REV3L: variants seen among roughly 807,000 people sequenced by gnomAD.
REV3L encodes DNA polymerase zeta catalytic subunit.
Under a neutral mutation model 299.4 loss-of-function variants are expected in REV3L, and 69 were observed. That is an observed-to-expected ratio of 0.23 (90% CI 0.19 to 0.28). REV3L has a LOEUF of 0.28. REV3L is among the 10% of genes least tolerant of loss of function. The pLI is 1.00. For missense variants in REV3L, 3,128 were observed against 3,693.8 expected (o/e 0.85, Z 3.97); for synonymous variants, 1,238 against 1,271.4 (o/e 0.97, Z 0.56).
intron 1 of REV3L, among the ~76,000 whole-genome samples, chr6:111,464,454 T>A (rs1791175301): frequency 6.6e-6 from 1 of 152,164 alleles, no homozygotes; most frequent in South Asian, 2.1e-4. Flanking sequence ...ATAAAACATC[T>A]TCTTAAAAAT....
At chr6:111,369,007 C>A (rs1562196574) in intron 13 of REV3L, among the ~76,000 whole-genome samples, 1 of 152,072 alleles carries the variant, frequency 6.6e-6, no homozygotes, top group Non-Finnish European at 1.5e-5. Context: ...AACTCCATAA[C>A]CAGCATCCAG....
upstream of REV3L, chr6:111,483,332 C>A (rs1278550857): frequency 1.7e-5 from 8 of 459,590 alleles, no homozygotes; most frequent in Non-Finnish European, 1.5e-5. Context: ...GGCGCCCGGG[C>A]GGGACACGGA....
intron 5 of REV3L, 33 bp downstream of exon 5, chr6:111,392,843 A>G (rs550075221): frequency 7.1e-7 from 1 of 1,403,964 alleles, no homozygotes; most frequent in African/African-American, 1.4e-5. Flanking sequence ...GGATATATGT[A>G]AAATTTTCAT....
chr6:111,335,305 C>T (rs1040178599), intron 22 of REV3L, among the ~76,000 whole-genome samples, 164 bp downstream of exon 22: 4 of 151,940 alleles, frequency 2.6e-5, no homozygotes, highest in African/African-American at 4.8e-5. Flanking sequence ...TGGCAGTGGC[C>T]GGAAAGTTGG....
chr6:111,412,188 A>G, intron 2 of REV3L: 1 of 985,408 alleles, frequency 1.0e-6, no homozygotes, highest in African/African-American at 1.7e-5. Context: ...TATCAAGTGC[A>G]TCCTGTGAAA....
At chr6:111,302,023 A>C (rs1017701731) in intron 31 of REV3L, among the ~76,000 whole-genome samples, 1 of 152,210 alleles carries the variant, frequency 6.6e-6, no homozygotes, top group Non-Finnish European at 1.5e-5. Context: ...TCTTTGATCT[A>C]TATTTATCAA....
chr6:111,334,723 A>G (rs1775740923), intron 22 of REV3L, among the ~76,000 whole-genome samples: 1 of 152,216 alleles, frequency 6.6e-6, no homozygotes, highest in Non-Finnish European at 1.5e-5. Context: ...ATGGGTATAA[A>G]TAAAATAAAT....
chr6:111,309,592 T>A (rs1582446583), intron 30 of REV3L: 1 of 305,136 alleles, frequency 3.3e-6, no homozygotes, highest in South Asian at 8.5e-5. Flanking sequence ...CAGGCCAAGG[T>A]GGTCTTGGAA....
intron 1 of REV3L, among the ~76,000 whole-genome samples, chr6:111,461,534 T>G (rs1790774137): frequency 6.6e-6 from 1 of 152,034 alleles, no homozygotes; most frequent in South Asian, 2.1e-4. Flanking sequence ...TGAACAGTTC[T>G]ATAAAATCTA....
Position 111,361,010 on chromosome 6 carries a change from T to C in REV3L, c.6880-1996A>G, listed in dbSNP as rs372858849. Among the ~76,000 whole-genome samples the C allele has an allele frequency of 3.3e-5, 5 of 152,210 alleles. No individual in the cohort carries two copies. In the East Asian group the frequency reaches 7.7e-4, roughly 23 times the overall value. On this transcript the variant is annotated intron_variant, in intron 16 of 31. Transcript: ENST00000368802. ...TTTTAACAATAAGCATGCATTAATT[T>C]AGTAAATAAAAAATTTTTAAATGGA...
intron 4 of REV3L, among the ~76,000 whole-genome samples, chr6:111,402,378 A>G (rs899157542): frequency 9.9e-5 from 15 of 152,176 alleles, no homozygotes; most frequent in African/African-American, 3.6e-4. Context: ...CCTGCTGGGC[A>G]GGACCCACTT....
chr6:111,443,962 G>A (rs1788561233), intron 1 of REV3L, among the ~76,000 whole-genome samples: 1 of 152,180 alleles, frequency 6.6e-6, no homozygotes, highest in African/African-American at 2.4e-5. Context: ...AGGTCAAAGA[G>A]AACTGATTTT....
At position 111,300,243 on chromosome 6, in the gene REV3L, A is replaced by G. The variant is rs567213345; in HGVS notation, c.9253-87T>C. The G allele has an allele frequency of 1.4e-5, 14 of 1,027,758 alleles. No individual in the cohort carries two copies. The South Asian group carries it at 2.8e-4, about 21-fold the overall frequency. The allele number at this position is 1,027,758 out of a possible 1,614,324, so 63.7% of individuals were successfully genotyped here. On this transcript the variant is annotated intron_variant, in intron 31 of 31. Transcript: ENST00000368802. ...CAAATTTTTATAATCCCTACTTTCT[A>G]GACTACCACAGATTACTGGCAGACA...
chr6:111,328,941 T>C (rs1415379819), intron 25 of REV3L, among the ~76,000 whole-genome samples: 1 of 152,088 alleles, frequency 6.6e-6, no homozygotes, highest in Admixed American at 6.6e-5. Context: ...AGTTTTTGCA[T>C]TTTTGGTTAG....
In REV3L at chr6:111,377,805, T is replaced by A. The variant is rs746788206; in HGVS notation, c.1493A>T (p.Asp498Val). Residue 498 changes from aspartate to valine, a missense_variant, in exon 12 of 32, where the codon GAT (aspartate) becomes GTT (valine). Asp to Val is a radical substitution (Grantham distance 152). Coordinates refer to ENST00000368802, the MANE Select transcript of REV3L (RefSeq NM_001372078.1). The part of the protein sequence containing the change: ...CRNTHRSSTE[D>V]DDSSSGEEME... The stretch of plus-strand genomic sequence containing the variant: ...TTCTTCTCCTGAAGATGAGTCATCA[T>A]CTTCAGTTGAACTTCTGTGGGTATT... 6.2e-7 allele frequency: 1 copy of A among 1,613,494 alleles called. No homozygotes were observed. Among genetic ancestry groups the A allele is most frequent in the East Asian group, 2.2e-5 (1 of 44,844 alleles).
intron 1 of REV3L, among the ~76,000 whole-genome samples, chr6:111,459,351 C>A (rs1294366723): frequency 2.0e-5 from 3 of 152,234 alleles, no homozygotes; most frequent in Middle Eastern, 3.4e-3. Context: ...CTAGGAAATT[C>A]TTTTCTCGAC....
intron 11 of REV3L, among the ~76,000 whole-genome samples, chr6:111,378,454 G>A (rs368693263): frequency 6.6e-6 from 1 of 151,932 alleles, no homozygotes; most frequent in African/African-American, 2.4e-5. Flanking sequence ...TATTATACTG[G>A]AACTGTTTTT....
rs561085973 is a variant in REV3L, at chr6:111,299,258, T to C, written c.*758A>G. ...ATATTTTAAGTATATTTAGAAGCAA[T>C]AGAAATGTCTATACAAAACAAGCAA... On this transcript the variant is annotated 3_prime_UTR_variant, in exon 32 of 32. Transcript: ENST00000368802. The C allele has an allele frequency of 5.9e-5, 9 of 152,694 alleles. No individual in the cohort carries two copies. The South Asian group carries it at 6.2e-4, about 11-fold the overall frequency. 9.5% of individuals were successfully genotyped at this position (152,694 alleles called of 1,614,324 possible).
At chr6:111,397,825 T>A (rs541857795) in intron 4 of REV3L, among the ~76,000 whole-genome samples, 3 of 151,986 alleles carry the variant, frequency 2.0e-5, no homozygotes, top group Admixed American at 6.5e-5. Flanking sequence ...TTTGTAAAGA[T>A]GAGATCTCAC....
Sources: gnomAD v4.1 joint callset for allele counts (sites outside exome capture counted in the v4.1 genomes callset) on GRCh38, gnomAD v4.1.1 for gene constraint, MANE v1.5 for transcripts, NCBI Gene and HGNC (gene_info 2026-07-23, HGNC 2026-07-21) for gene names.